Variants in DISC1 observed in about 807,000 individuals in gnomAD.
DISC1 encodes the protein disrupted in schizophrenia 1 protein.
DISC1 carries 57 observed loss-of-function variants against 84.5 expected under a neutral mutation model. The ratio of observed to expected loss-of-function variants is 0.67; its 90% CI spans 0.55 to 0.84. The LOEUF (loss-of-function observed/expected upper bound fraction) is 0.84, where lower values mean the gene tolerates loss of function less well. Among genes scored for constraint, DISC1 ranks in the 40% least tolerant of loss-of-function variants. DISC1 has a pLI of 0.00. For missense variants in DISC1, 1,000 were observed against 1,057.8 expected, an observed-to-expected ratio of 0.95 and a Z score of 0.76; for synonymous variants, 411 against 415.2, an observed-to-expected ratio of 0.99 and a Z score of 0.12.
chr1:231,776,712 T>C (rs2076992224), intron 6 of DISC1, among the ~76,000 whole-genome samples: 1 of 152,174 alleles, frequency 6.6e-6, no homozygotes, highest in African/African-American at 2.4e-5. Context: ...CAAGTGAGAT[T>C]TGAAATAATG....
intron 9 of DISC1, among the ~76,000 whole-genome samples, chr1:231,901,160 C>G (rs11577215): frequency 0.099 from 15,073 of 152,232 alleles, 989 homozygotes; most frequent in East Asian, 0.34. Context: ...ATGGGGTGAA[C>G]TAAGTCATGC....
chr1:232,025,475 G>A (rs1022286348), intron 11 of DISC1, among the ~76,000 whole-genome samples: 5 of 152,008 alleles, frequency 3.3e-5, no homozygotes, highest in African/African-American at 7.3e-5. Flanking sequence ...AGTGAGAGAA[G>A]GAAGGAGCTC....
intron 9 of DISC1, among the ~76,000 whole-genome samples, chr1:231,862,480 G>A (rs1023030050): frequency 1.3e-5 from 2 of 152,116 alleles, no homozygotes; most frequent in Non-Finnish European, 2.9e-5. Context: ...AAAGAACTTG[G>A]TAAATTTTTT....
At chr1:232,010,251 C>G (rs1192305035) in intron 11 of DISC1, among the ~76,000 whole-genome samples, 2 of 152,186 alleles carry the variant, frequency 1.3e-5, no homozygotes, top group African/African-American at 4.8e-5. Context: ...CTCCAATGCT[C>G]TGGGTAGAGG....
At chr1:231,798,272 G>A (rs1373977919) in intron 7 of DISC1, among the ~76,000 whole-genome samples, 1 of 152,088 alleles carries the variant, frequency 6.6e-6, no homozygotes, top group Admixed American at 6.6e-5. Context: ...TGAGATGGAA[G>A]AAACAGTTGG....
At chr1:231,952,772 T>C (rs1329361733) in intron 9 of DISC1, among the ~76,000 whole-genome samples, 1 of 151,022 alleles carries the variant, frequency 6.6e-6, no homozygotes, top group Non-Finnish European at 1.5e-5. Context: ...GCTGATATAC[T>C]AGTAATGTTC....
intron 9 of DISC1, among the ~76,000 whole-genome samples, chr1:231,906,019 CTTTTT>C (rs5781677): frequency 1.3e-5 from 1 of 76,968 alleles, no homozygotes; most frequent in Non-Finnish European, 2.4e-5. Flanking sequence ...GAGGTCATGG[CTTTTT>C]TTTTTTTTTT....
At chr1:231,935,490 GC>G in intron 9 of DISC1, among the ~76,000 whole-genome samples, 1 of 152,290 alleles carries the variant, frequency 6.6e-6, no homozygotes, top group East Asian at 1.9e-4. Context: ...AAATTGTTCA[GC>G]AATAGATATT....
chr1:231,861,702 A>G (rs530337348), intron 9 of DISC1, among the ~76,000 whole-genome samples: 1 of 152,284 alleles, frequency 6.6e-6, no homozygotes, highest in African/African-American at 2.4e-5. Context: ...AGACCACAGC[A>G]TGTACAAGAG....
At chr1:231,847,530 A>G (rs1229907302) in intron 9 of DISC1, among the ~76,000 whole-genome samples, 1 of 152,178 alleles carries the variant, frequency 6.6e-6, no homozygotes, top group Admixed American at 6.5e-5. Flanking sequence ...TTGGCTGCTC[A>G]GCCTCATGTG....
At chr1:231,717,317 C>A in intron 3 of DISC1, among the ~76,000 whole-genome samples, 1 of 152,148 alleles carries the variant, frequency 6.6e-6, no homozygotes, top group East Asian at 1.9e-4. Context: ...TTGGCAGAAC[C>A]AAAGGGCATC....
At chr1:231,762,261 T>TCTTTCCTTTCCTTTCCTTTC (rs149824291) in intron 4 of DISC1, among the ~76,000 whole-genome samples, 3 of 55,346 alleles carry the variant, frequency 5.4e-5, no homozygotes, top group African/African-American at 2.4e-4. Flanking sequence ...TTCTTTATTT[T>TCTTTCCTTTCCTTTCCTTTC]CTTTCCTTTC....
intron 9 of DISC1, 176 bp downstream of exon 9, chr1:231,818,693 C>T (rs1009170926): frequency 1.4e-6 from 2 of 1,432,394 alleles, no homozygotes; most frequent in Admixed American, 2.9e-5. Flanking sequence ...AATGGAATTA[C>T]TTGTCAGCTT....
At chr1:231,666,640 C>G (rs2062046828) in intron 1 of DISC1, among the ~76,000 whole-genome samples, 1 of 152,162 alleles carries the variant, frequency 6.6e-6, no homozygotes, top group South Asian at 2.1e-4. Flanking sequence ...GCCTCTCTGC[C>G]CACCCCTCCC....
rs908244449 is a variant in DISC1, at chr1:231,854,990, A to G, written c.1981+36473A>G. The G allele has an allele frequency of 1.7e-5, 19 of 1,121,080 alleles. No homozygotes were observed. In the African/African-American group the frequency reaches 2.9e-4, roughly 17 times the overall value. 69.4% of individuals were successfully genotyped at this position (1,121,080 alleles called of 1,614,324 possible). ...CTCAGCCTCCCAAAGTGCTGGGATT[A>G]CAGACATGAGCCACTGTGCCTGGCC... On this transcript the variant is annotated intron_variant, in intron 9 of 12. Coordinates refer to ENST00000439617, the MANE Select transcript of DISC1 (RefSeq NM_018662.3).
At chr1:231,846,070 G>A (rs1367726062) in intron 9 of DISC1, among the ~76,000 whole-genome samples, 2 of 152,106 alleles carry the variant, frequency 1.3e-5, no homozygotes, top group Admixed American at 1.3e-4. Flanking sequence ...CCTTCAAGCA[G>A]CAACAGATTA....
rs546308491 is a variant in DISC1 at position 231,675,935 on chromosome 1, G to A, written c.68-17891G>A. ...GTGATCTCGGGTCACTGCAACCTCCGCCTCCCGGGTTCAAGCAATTCTCCT... is the reference window on the plus strand; with the variant it reads ...GTGATCTCGGGTCACTGCAACCTCCACCTCCCGGGTTCAAGCAATTCTCCT... On this transcript the variant is annotated intron_variant, in intron 1 of 12. Transcript: ENST00000439617. This position sits in a 1 kb window ranked among gnomAD's most constrained non-coding sequence, Gnocchi z 4.1. Among the ~76,000 whole-genome samples the A allele has an allele frequency of 9.4e-5, 14 of 148,596 alleles. No individual in the cohort carries two copies. The highest frequency in any genetic ancestry group is 3.5e-3 in the Middle Eastern group (1 of 284).
chr1:231,712,414 C>T (rs937646840), intron 3 of DISC1, among the ~76,000 whole-genome samples: 7 of 152,080 alleles, frequency 4.6e-5, no homozygotes, highest in African/African-American at 1.7e-4. Flanking sequence ...TTTGTTTCCC[C>T]ACAGAAACAT....
chr1:231,960,013 G>A (rs1478738401), intron 10 of DISC1, among the ~76,000 whole-genome samples: 2 of 152,174 alleles, frequency 1.3e-5, no homozygotes, highest in Non-Finnish European at 2.9e-5. Flanking sequence ...GTAGCCATAA[G>A]CACGTGGGTA....
Sources: gnomAD v4.1 joint callset for allele counts (sites outside exome capture counted in the v4.1 genomes callset) on GRCh38, gnomAD v4.1.1 for gene constraint, Gnocchi (gnomAD v3.1) non-coding constraint, MANE v1.5 for transcripts, NCBI Gene and HGNC (gene_info 2026-07-23, HGNC 2026-07-21) for gene names.